The following HIRA variants were observed in gnomAD, a reference collection of about 807,000 sequenced individuals.
HIRA encodes histone cell cycle regulator.
Under a neutral mutation model 126.6 loss-of-function variants are expected in HIRA, and 13 were observed. The observed-to-expected ratio is 0.10, with a 90% CI of 0.07 to 0.16. The LOEUF (loss-of-function observed/expected upper bound fraction) is 0.16. Ranked by LOEUF, HIRA falls within the 10% of genes least tolerant of loss-of-function variation. HIRA has a pLI of 1.00. For missense variants in HIRA, 834 were observed against 1,314.4 expected (o/e 0.63, Z 5.65); for synonymous variants, 511 against 520.0 (o/e 0.98, Z 0.24).
At chr22:19,347,446 G>A (rs1556009208) in intron 24 of HIRA, among the ~76,000 whole-genome samples, 1 of 152,160 alleles carries the variant, frequency 6.6e-6, no homozygotes, top group Admixed American at 6.5e-5. Context: ...TCCATTAATA[G>A]ACCATGCAAT....
At chr22:19,357,442 A>G (rs2088823398) in intron 18 of HIRA, among the ~76,000 whole-genome samples, 1 of 152,180 alleles carries the variant, frequency 6.6e-6, no homozygotes, top group South Asian at 2.1e-4. Context: ...CAGTCCTGAG[A>G]AGGTCTCTAA....
In HIRA at chr22:19,410,787, AAAG is replaced by A. The variant is rs757021191; in HGVS notation, c.38-12_38-10del. 39 of 1,610,320 alleles carry A rather than the reference AAAG, an allele frequency of 2.4e-5. No individual in the cohort carries two copies. The East Asian group carries it at 4.4e-4, about 18-fold the overall frequency. ...TGAAAAAATCGGCTTGCCTGGAAAC[AAAG>A]AAAAAAAAATACAGTATCTAAATTG... On this transcript the variant is annotated splice_polypyrimidine_tract_variant and intron_variant, in intron 1 of 24. Coordinates refer to ENST00000263208, the MANE Select transcript of HIRA (RefSeq NM_003325.4).
At chr22:19,348,610 C>G (rs991353856) in intron 24 of HIRA, among the ~76,000 whole-genome samples, 1 of 151,990 alleles carries the variant, frequency 6.6e-6, no homozygotes. Context: ...ATTCTCCTGC[C>G]TCAGCCTCCC....
chr22:19,386,409 C>T (rs900258157), intron 11 of HIRA, among the ~76,000 whole-genome samples: 2 of 152,240 alleles, frequency 1.3e-5, no homozygotes, highest in African/African-American at 4.8e-5. Flanking sequence ...GCATGAGGAA[C>T]ACACTTCCAT....
At chr22:19,384,085 C>G (rs747695669) in intron 12 of HIRA, among the ~76,000 whole-genome samples, 1 of 151,920 alleles carries the variant, frequency 6.6e-6, no homozygotes, top group Non-Finnish European at 1.5e-5. Context: ...TTGGGGAGGC[C>G]GAGGTGGACA....
intron 1 of HIRA, among the ~76,000 whole-genome samples, chr22:19,422,169 T>TACACACAC (rs762601560): frequency 0.042 from 4,699 of 111,240 alleles, 154 homozygotes; most frequent in East Asian, 0.12. Flanking sequence ...TGTGTTTATA[T>TACACACAC]ATACACACAC....
chr22:19,372,869 G>C (rs2088980071), intron 15 of HIRA, among the ~76,000 whole-genome samples: 1 of 152,112 alleles, frequency 6.6e-6, no homozygotes, highest in Non-Finnish European at 1.5e-5. Flanking sequence ...ACCGTGCCTG[G>C]CCAAGCTTTT....
At chr22:19,403,101 C>CAAAAAAAA (rs199777922) in intron 5 of HIRA, among the ~76,000 whole-genome samples, 1 of 70,626 alleles carries the variant, frequency 1.4e-5, no homozygotes, top group African/African-American at 3.9e-5. Flanking sequence ...GACACAGTCT[C>CAAAAAAAA]AAAAAAAAAA....
At chr22:19,383,212 TG>T (rs2089092709) in intron 13 of HIRA, among the ~76,000 whole-genome samples, 1 of 152,198 alleles carries the variant, frequency 6.6e-6, no homozygotes, top group East Asian at 1.9e-4. Context: ...TTATGGATAA[TG>T]TTTTTTTCTT....
chr22:19,405,972 A>T (rs1187620409), intron 4 of HIRA, 92 bp from the exon 5 acceptor site: 14 of 745,100 alleles, frequency 1.9e-5, no homozygotes, highest in African/African-American at 1.8e-4. Context: ...GGGCACACAG[A>T]ACAAAGCAAA....
At chr22:19,346,207 A>G (rs1601804748) in intron 24 of HIRA, among the ~76,000 whole-genome samples, 2 of 152,338 alleles carry the variant, frequency 1.3e-5, no homozygotes, top group South Asian at 2.1e-4. Context: ...TTGAATGACC[A>G]ATTCTCACCA....
rs369625368 is a variant in HIRA, at chr22:19,389,428, C to T, written c.937-874G>A. Among the ~76,000 whole-genome samples the T allele has an allele frequency of 5.9e-5, 9 of 152,254 alleles. No homozygotes were observed. In the South Asian group the frequency reaches 1.7e-3, roughly 28 times the overall value. On this transcript the variant is annotated intron_variant, in intron 9 of 24. Transcript: ENST00000263208. ...GGCAGGGAAGAAACACACTTCCTCA[C>T]GGGATGGTGGGCTCCCATAGGTGCT...
chr22:19,408,741 A>G (rs2089327140), intron 2 of HIRA, 148 bp from the exon 3 acceptor site: 2 of 571,456 alleles, frequency 3.5e-6, no homozygotes, highest in African/African-American at 3.8e-5. Context: ...TTAAATTACT[A>G]ATTTAAGTTA....
Position 19,356,292 on chromosome 22 carries a change from G to A in HIRA, c.2397-4C>T, listed in dbSNP as rs781851319. On this transcript the variant is annotated splice_region_variant and splice_polypyrimidine_tract_variant and intron_variant, in intron 19 of 24. Coordinates refer to ENST00000263208, the MANE Select transcript of HIRA (RefSeq NM_003325.4). ...AACCACCTGTCTGTGAACATCCCTAGGAGGGAGACAGGGAACAGTTTACTC... is the reference window on the plus strand; with the variant it reads ...AACCACCTGTCTGTGAACATCCCTAAGAGGGAGACAGGGAACAGTTTACTC... 3.7e-6 allele frequency: 6 copies of A among 1,613,406 alleles called. No homozygotes were observed. Among genetic ancestry groups the A allele is most frequent in the South Asian group, 1.1e-5 (1 of 91,088 alleles).
In HIRA at chr22:19,340,670, T is replaced by C. The variant is rs568318034; in HGVS notation, c.2938-9114A>G. Among the ~76,000 whole-genome samples the C allele has an allele frequency of 3.9e-5, 6 of 152,266 alleles. No individual in the cohort carries two copies. The East Asian group carries it at 1.2e-3, about 29-fold the overall frequency. On this transcript the variant is annotated intron_variant, in intron 24 of 24. Transcript: ENST00000263208. ...ATCTAATAAATGAATTCCGTAAACT[T>C]TCAGGGTACAAAATCAATGTACACA...
chr22:19,421,746 A>T (rs774779687), intron 1 of HIRA, among the ~76,000 whole-genome samples: 2 of 152,130 alleles, frequency 1.3e-5, no homozygotes, highest in Non-Finnish European at 2.9e-5. Flanking sequence ...ACCTCAGCTC[A>T]CTGCAACCTC....
At chr22:19,420,074 G>A (rs1473108) in intron 1 of HIRA, among the ~76,000 whole-genome samples, 19,932 of 151,526 alleles carry the variant, frequency 0.13, 2,679 homozygotes, top group African/African-American at 0.34. Flanking sequence ...GTGTGTGCAC[G>A]CGCCACAAAC....
Position 19,365,405 on chromosome 22 carries a change from T to C in HIRA, c.1776-3474A>G, listed in dbSNP as rs150352202. Among the ~76,000 whole-genome samples the C allele has an allele frequency of 1.3e-4, 20 of 152,306 alleles. No individual in the cohort carries two copies. The East Asian group carries it at 3.7e-3, about 28-fold the overall frequency. ...GTTTCAGAAGACAGGCTGGTTATCTTATTGAAGTGAATGCAGCTGGTGATT... is the reference window on the plus strand; with the variant it reads ...GTTTCAGAAGACAGGCTGGTTATCTCATTGAAGTGAATGCAGCTGGTGATT... On this transcript the variant is annotated intron_variant, in intron 15 of 24. Coordinates refer to ENST00000263208, the MANE Select transcript of HIRA (RefSeq NM_003325.4).
At position 19,405,688 on chromosome 22, in the gene HIRA, G is replaced by T. The variant is rs2089302347; in HGVS notation, c.397+98C>A. The stretch of plus-strand genomic sequence containing the variant: ...GGTGGGACAGCCCAGACATAGGGCT[G>T]CTTTAAGGACCAAACAGTCCCACAG... On this transcript the variant is annotated intron_variant, in intron 5 of 24. Transcript: ENST00000263208. The T allele has an allele frequency of 3.1e-6, 3 of 983,524 alleles. No homozygotes were observed. In the South Asian group the frequency reaches 9.9e-5, roughly 33 times the overall value. 60.9% of individuals were successfully genotyped at this position (983,524 alleles called of 1,614,324 possible).
Sources: allele counts gnomAD v4.1 joint callset (sites outside exome capture counted in the v4.1 genomes callset), GRCh38; gene constraint gnomAD v4.1.1; transcripts MANE v1.5; gene names NCBI Gene and HGNC (gene_info 2026-07-23, HGNC 2026-07-21).